Variants in RAPH1 observed in about 807,000 individuals in gnomAD.
RAPH1 encodes the protein Ras association (RalGDS/AF-6) and pleckstrin homology domains 1.
RAPH1 carries 18 observed loss-of-function variants against 88.1 expected under a neutral mutation model. That is an observed-to-expected ratio of 0.20 (90% confidence interval 0.14 to 0.30). RAPH1 has a LOEUF of 0.30. RAPH1 is among the 10% of genes least tolerant of loss of function. The pLI is 1.00. For synonymous variants in RAPH1, 587 were observed against 559.0 expected (o/e 1.05, Z -0.71); for missense variants, 1,448 against 1,543.2 (o/e 0.94, Z 1.03).
At chr2:203,519,126 G>A (rs1689752403) in intron 1 of RAPH1, among the ~76,000 whole-genome samples, 1 of 152,138 alleles carries the variant, frequency 6.6e-6, no homozygotes, top group South Asian at 2.1e-4. Context: ...TAGAAGCAGA[G>A]GGAATAATAC....
Position 203,440,157 on chromosome 2 carries a change from C to A in RAPH1, c.3033G>T (p.Gly1011=). The part of the protein sequence containing the change: ...VSKFTPPAES[G]SPSKETLPPP... ...GTGGTAGGGTCTCCTTGCTGGGAGA[C>A]CCTGATTCTGCTGGCGGTGTAAACT... Residue 1011 remains glycine, a synonymous_variant, in exon 14 of 14, where the codon GGG becomes GGT. Transcript: ENST00000319170. 1 of 1,613,492 alleles carries A rather than the reference C, an allele frequency of 6.2e-7. No individual in the cohort carries two copies. The highest frequency in any genetic ancestry group is 8.5e-7 in the Non-Finnish European group (1 of 1,179,946).
In RAPH1 at chr2:203,438,298, G is replaced by A. The variant is rs1026439676; in HGVS notation, c.*1139C>T. On this transcript the variant is annotated 3_prime_UTR_variant, in exon 14 of 14. Transcript: ENST00000319170. ...ATATACAACCAGATTAATGACACCT[G>A]TACAGGGGCCAGTTCTGTTCTCTCA... 36 of 432,692 alleles carry A rather than the reference G, an allele frequency of 8.3e-5. No homozygotes were observed. The Admixed American group carries it at 8.8e-4, about 11-fold the overall frequency. The allele number at this position is 432,692 out of a possible 1,614,324, so 26.8% of individuals were successfully genotyped here.
Position 203,461,308 on chromosome 2 carries a change from G to T in RAPH1, c.911C>A (p.Ser304Tyr), listed in dbSNP as rs948047687. The T allele has an allele frequency of 6.2e-7, 1 of 1,608,968 alleles. No individual in the cohort carries two copies. The change falls in exon 6 of 14, where the codon TCC (serine) becomes TAC (tyrosine). Residue 304 changes from serine (S) to tyrosine (Y), a missense_variant. Transcript: ENST00000319170. Reference protein sequence around the residue: ...RQVLDNLMDKSHCGYSLDWSL... With the variant: ...RQVLDNLMDKYHCGYSLDWSL... ...CCAGTCTAAACTATAACCGCAGTGG[G>T]ATTTGTCCATCAGGTTATCCAGTAC...
rs1385510607 is a variant in RAPH1 at position 203,434,770 on chromosome 2, A to T, written c.*4667T>A. 1 of 152,454 alleles carries T rather than the reference A, an allele frequency of 6.6e-6. No individual in the cohort carries two copies. 9.4% of individuals were successfully genotyped at this position (152,454 alleles called of 1,614,324 possible). On this transcript the variant is annotated 3_prime_UTR_variant, in exon 14 of 14. Coordinates refer to ENST00000319170, the MANE Select transcript of RAPH1 (RefSeq NM_213589.3). ...GTATTAGTAGCCATCCATGATAAAC[A>T]TAATTAATTCTCAACTTAACCATCT...
rs543981458 is a variant in RAPH1, at chr2:203,439,535, C to G, written c.3655G>C (p.Gly1219Arg). ...GCATAGCCTGATATATGACTGCCTC[C>G]GTAACCAGCCTTCTGTTGATCAGAC... ...LLSDQQKAGY[G>R]GSHISGYATL... The change falls in exon 14 of 14, where the codon GGA (glycine) becomes CGA (arginine). Residue 1219 changes from glycine (G) to arginine (R), a missense_variant. This residue lies in a region of RAPH1 where 935 missense variants were observed against 890.1 expected (regional missense o/e 1.05). Transcript: ENST00000319170. The G allele has an allele frequency of 6.2e-7, 1 of 1,614,138 alleles. No individual in the cohort carries two copies. The highest frequency in any genetic ancestry group is 1.1e-5 in the South Asian group (1 of 91,090).
Position 203,435,706 on chromosome 2 carries a change from ATTAG to A in RAPH1, c.*3727_*3730del, listed in dbSNP as rs1445440300. The A allele has an allele frequency of 5.3e-5, 8 of 152,312 alleles. No homozygotes were observed. Among genetic ancestry groups the A allele is most frequent in the Non-Finnish European group, 7.3e-5 (5 of 68,032 alleles). The allele number at this position is 152,312 out of a possible 1,614,324, so 9.4% of individuals were successfully genotyped here. A position where few individuals can be genotyped will look rare whatever the true frequency, so the allele number is the denominator to read the frequency against. On this transcript the variant is annotated 3_prime_UTR_variant, in exon 14 of 14. Coordinates refer to ENST00000319170, the MANE Select transcript of RAPH1 (RefSeq NM_213589.3). ...ACTTGAGTGGATTAAATCAGTTGTA[ATTAG>A]TTAGCTCTGTAGGTATATGAAAAAC...
chr2:203,506,472 C>T (rs1309208638), intron 1 of RAPH1, among the ~76,000 whole-genome samples: 15 of 151,374 alleles, frequency 9.9e-5, no homozygotes, highest in African/African-American at 2.9e-4. Flanking sequence ...GAGCAGAGAT[C>T]GTGCCACTGC....
intron 10 of RAPH1, among the ~76,000 whole-genome samples, chr2:203,454,071 G>GT (rs2098517144): frequency 6.6e-6 from 1 of 152,122 alleles, no homozygotes. Context: ...GGTTTGCTGA[G>GT]TAAGTACAGG....
Position 203,440,044 on chromosome 2 carries a change from T to C in RAPH1, c.3146A>G (p.Lys1049Arg), listed in dbSNP as rs1163234692. 1 of 1,613,446 alleles carries C rather than the reference T, an allele frequency of 6.2e-7. No homozygotes were observed. Among genetic ancestry groups the C allele is most frequent in the South Asian group, 1.1e-5 (1 of 91,048 alleles). Residue 1049 changes from lysine to arginine, a missense_variant, in exon 14 of 14, where the codon AAA (lysine) becomes AGA (arginine). By Grantham distance (26) the Lys-to-Arg change is conservative (BLOSUM62 2). Coordinates refer to ENST00000319170, the MANE Select transcript of RAPH1 (RefSeq NM_213589.3). ...GVLQQGCVSA[K>R]APVLSGRGKD... ...TCCACGCCCACTCAGAACAGGGGCTTTTGCTGACACACACCCTTGTTGGAG... is the reference window on the plus strand; with the variant it reads ...TCCACGCCCACTCAGAACAGGGGCTCTTGCTGACACACACCCTTGTTGGAG...
intron 10 of RAPH1, among the ~76,000 whole-genome samples, chr2:203,449,407 C>T (rs2098512864): frequency 1.3e-5 from 2 of 152,204 alleles, no homozygotes; most frequent in African/African-American, 4.8e-5. Flanking sequence ...TGCAGGGCTG[C>T]AGCACTTGCC....
chr2:203,491,135 T>C (rs1055063226), intron 3 of RAPH1, 79 bp downstream of exon 3: 17 of 778,032 alleles, frequency 2.2e-5, no homozygotes, highest in Middle Eastern at 2.4e-4. Flanking sequence ...AGTTTTTATA[T>C]TGGGAATTGC....
chr2:203,473,773 G>GTTTTATGAACT (rs1361110463), intron 4 of RAPH1, among the ~76,000 whole-genome samples: 2 of 152,104 alleles, frequency 1.3e-5, no homozygotes, highest in Admixed American at 1.3e-4. Context: ...TATAAACAGG[G>GTTTTATGAACT]CCTTCTTATA....
Position 203,448,189 on chromosome 2 carries a change from A to G in RAPH1, c.1513-110T>C. The G allele has an allele frequency of 1.0e-6, 1 of 999,442 alleles. No individual in the cohort carries two copies. Among genetic ancestry groups the G allele is most frequent in the Non-Finnish European group, 1.5e-6 (1 of 682,114 alleles). The allele number at this position is 999,442 out of a possible 1,614,324, so 61.9% of individuals were successfully genotyped here. A position where few individuals can be genotyped will look rare whatever the true frequency, so the allele number is the denominator to read the frequency against. ...GTTTACTGATTGATGGTCTGTATTA[A>G]AATTAATACCTATGATAGTTCAAAA... On this transcript the variant is annotated intron_variant, in intron 11 of 13. Coordinates refer to ENST00000319170, the MANE Select transcript of RAPH1 (RefSeq NM_213589.3). This position sits in a 1 kb window ranked among gnomAD's most constrained non-coding sequence, Gnocchi z 4.1.
chr2:203,509,238 T>C (rs1006059133), intron 1 of RAPH1, among the ~76,000 whole-genome samples: 1 of 151,960 alleles, frequency 6.6e-6, no homozygotes, highest in Admixed American at 6.6e-5. Flanking sequence ...ACCTGACTAA[T>C]TTTTGTATTT....
rs2098498900 is a variant in RAPH1, at chr2:203,436,816, T to C, written c.*2621A>G. The stretch of plus-strand genomic sequence containing the variant: ...CACCAGAGAAAAAGAGCTACAGAAA[T>C]ACAGTCTAGGAAAAGCTACATCCCA... On this transcript the variant is annotated 3_prime_UTR_variant, in exon 14 of 14. Coordinates refer to ENST00000319170, the MANE Select transcript of RAPH1 (RefSeq NM_213589.3). 1 of 152,130 alleles carries C rather than the reference T, an allele frequency of 6.6e-6. No individual in the cohort carries two copies. The highest frequency in any genetic ancestry group is 6.5e-5 in the Admixed American group (1 of 15,276). The allele number at this position is 152,130 out of a possible 1,614,324, so 9.4% of individuals were successfully genotyped here. A position where few individuals can be genotyped will look rare whatever the true frequency, so the allele number is the denominator to read the frequency against.
chr2:203,461,867 T>C lies in RAPH1; in HGVS notation c.791A>G (p.Lys264Arg). 1 of 1,608,474 alleles carries C rather than the reference T, an allele frequency of 6.2e-7. No homozygotes were observed. Among genetic ancestry groups the C allele is most frequent in the Admixed American group, 1.7e-5 (1 of 59,250 alleles). ...TATCACCTTTTTCACTTGTGCCTCTTTAATTTTCTCTAGGGCAACTCTGAT... is the reference window on the plus strand; with the variant it reads ...TATCACCTTTTTCACTTGTGCCTCTCTAATTTTCTCTAGGGCAACTCTGAT... ...EKIRVALEKI[K>R]EAQVKKLVIR... The change falls in exon 5 of 14, where the codon AAA (lysine) becomes AGA (arginine). Residue 264 changes from lysine to arginine, a missense_variant. Physicochemically the swap from Lys to Arg is conservative, Grantham distance 26. Around this residue, in one of 2 missense-constraint regions of RAPH1, gnomAD observed 513 missense variants for 653.1 expected, o/e 0.79. Transcript: ENST00000319170.
chr2:203,504,160 G>A (rs1014214415), intron 1 of RAPH1, among the ~76,000 whole-genome samples: 2 of 152,178 alleles, frequency 1.3e-5, no homozygotes, highest in African/African-American at 4.8e-5. Flanking sequence ...ACTAGGCAGT[G>A]CCCCAGTGGG....
At position 203,440,752 on chromosome 2, in the gene RAPH1, G is replaced by C; in HGVS notation, c.2438C>G (p.Ala813Gly). 1 of 1,611,200 alleles carries C rather than the reference G, an allele frequency of 6.2e-7. No individual in the cohort carries two copies. Among genetic ancestry groups the C allele is most frequent in the Non-Finnish European group, 8.5e-7 (1 of 1,178,710 alleles). The change falls in exon 14 of 14, where the codon GCA (alanine) becomes GGA (glycine). Residue 813 changes from alanine (A) to glycine (G), a missense_variant. Around this residue, in one of 2 missense-constraint regions of RAPH1, gnomAD observed 935 missense variants for 890.1 expected, o/e 1.05. Transcript: ENST00000319170. Reference protein sequence around the residue: ...PPTPTPPVPPAKKQPAFPASY... With the variant: ...PPTPTPPVPPGKKQPAFPASY... ...AGCAGGGAAAGCTGGCTGCTTTTTT[G>C]CTGGGGGCACTGGAGGAGTAGGTGT...
intron 1 of RAPH1, among the ~76,000 whole-genome samples, chr2:203,514,444 C>T (rs1689504327): frequency 1.3e-5 from 2 of 152,174 alleles, no homozygotes; most frequent in Admixed American, 1.3e-4. Context: ...TAAAATTCAA[C>T]TTAGTGTACA....
Sources: allele counts gnomAD v4.1 joint callset (sites outside exome capture counted in the v4.1 genomes callset), GRCh38; gene constraint gnomAD v4.1.1; regional missense constraint gnomAD v4.1.1; non-coding constraint Gnocchi (gnomAD v3.1); transcripts MANE v1.5; gene names NCBI Gene and HGNC (gene_info 2026-07-23, HGNC 2026-07-21).